LRRTM4: variants seen among roughly 807,000 people sequenced by gnomAD.
LRRTM4 encodes leucine rich repeat transmembrane neuronal 4, also known as leucine-rich repeat transmembrane neuronal protein 4.
In LRRTM4, 25 loss-of-function variants were observed where a neutral mutation model predicts 47.6. The ratio of observed to expected loss-of-function variants is 0.53; its 90% CI spans 0.38 to 0.73. LRRTM4 has a LOEUF of 0.73. Among genes scored for constraint, LRRTM4 ranks in the 30% least tolerant of loss-of-function variants. The pLI is 0.00. For synonymous variants in LRRTM4, 311 were observed against 269.5 expected, an observed-to-expected ratio of 1.15 and a Z score of -1.51; for missense variants, 638 against 713.4, an observed-to-expected ratio of 0.89 and a Z score of 1.20.
At chr2:77,430,469 C>A (rs981094218) in intron 3 of LRRTM4, among the ~76,000 whole-genome samples, 3 of 152,002 alleles carry the variant, frequency 2.0e-5, no homozygotes, top group African/African-American at 7.3e-5. Context: ...TGGCTGTAAT[C>A]CTAGCATTTT....
intron 3 of LRRTM4, among the ~76,000 whole-genome samples, chr2:77,326,397 T>A (rs904862600): frequency 6.6e-6 from 1 of 152,100 alleles, no homozygotes; most frequent in Non-Finnish European, 1.5e-5. Context: ...TAATTTTACT[T>A]TTATTTTAGT....
chr2:76,806,687 A>G (rs1443453120), intron 3 of LRRTM4, among the ~76,000 whole-genome samples: 1 of 152,144 alleles, frequency 6.6e-6, no homozygotes, highest in Non-Finnish European at 1.5e-5. Flanking sequence ...CTGAAAAGAG[A>G]AGTTAAAAAT....
At chr2:77,469,263 A>G (rs1043759891) in intron 3 of LRRTM4, among the ~76,000 whole-genome samples, 5 of 152,246 alleles carry the variant, frequency 3.3e-5, no homozygotes, top group Admixed American at 6.5e-5. Flanking sequence ...TGCCTCTGAA[A>G]GCAGGGGCAG....
At chr2:77,404,830 C>T (rs143485304) in intron 3 of LRRTM4, among the ~76,000 whole-genome samples, 3 of 152,066 alleles carry the variant, frequency 2.0e-5, no homozygotes, top group African/African-American at 7.2e-5. Context: ...TTAAAAATGG[C>T]CACAGGGAAC....
At chr2:76,871,065 C>A (rs958170776) in intron 3 of LRRTM4, among the ~76,000 whole-genome samples, 25 of 152,266 alleles carry the variant, frequency 1.6e-4, no homozygotes, top group African/African-American at 5.8e-4. Flanking sequence ...ATTATAAAAT[C>A]TTTGGGAAAA....
intron 3 of LRRTM4, among the ~76,000 whole-genome samples, chr2:76,894,533 G>A (rs747083697): frequency 2.0e-5 from 3 of 152,020 alleles, no homozygotes; most frequent in Non-Finnish European, 4.4e-5. Context: ...CAACAGGTCA[G>A]TTGATTATCC....
chr2:77,447,307 T>C (rs894319279), intron 3 of LRRTM4, among the ~76,000 whole-genome samples: 2 of 152,032 alleles, frequency 1.3e-5, no homozygotes, highest in South Asian at 4.1e-4. Flanking sequence ...TAAGCAAGTA[T>C]ATCTGTAAAG....
At chr2:77,023,327 G>A (rs190365992) in intron 3 of LRRTM4, among the ~76,000 whole-genome samples, 3 of 152,140 alleles carry the variant, frequency 2.0e-5, no homozygotes, top group Non-Finnish European at 4.4e-5. Flanking sequence ...TGCCGCAAAG[G>A]TCTCTTGATA....
chr2:77,519,139 T>G lies in LRRTM4; in HGVS notation c.730A>C (p.Ile244Leu). ...CAAGTCCATGTCAAACCTTGGCTAA[T>G]GGAGCGAATCCTGTTCCATTGTAAG... ...IYLQWNRIRS[I>L]SQGLTWTWSS... Residue 244 changes from isoleucine to leucine, a missense_variant, in exon 3 of 4, where the codon ATT becomes CTT. Ile to Leu is a conservative substitution (Grantham distance 5). Coordinates refer to ENST00000409884, the MANE Select transcript of LRRTM4 (RefSeq NM_001134745.3). This position sits in a 1 kb window ranked among gnomAD's most constrained non-coding sequence, Gnocchi z 4.6. The G allele has an allele frequency of 6.2e-7, 1 of 1,613,186 alleles. No individual in the cohort carries two copies. Among genetic ancestry groups the G allele is most frequent in the Non-Finnish European group, 8.5e-7 (1 of 1,179,532 alleles).
chr2:77,061,219 G>A (rs1679775032), intron 3 of LRRTM4, among the ~76,000 whole-genome samples: 1 of 151,936 alleles, frequency 6.6e-6, no homozygotes, highest in African/African-American at 2.4e-5. Context: ...ATATCCTTTA[G>A]AGTAAATAGT....
At chr2:76,780,362 A>C (rs1241262917) in intron 3 of LRRTM4, among the ~76,000 whole-genome samples, 46 of 152,270 alleles carry the variant, frequency 3.0e-4, no homozygotes, top group African/African-American at 1.0e-3. Context: ...GTGTTTTCCA[A>C]CTTGGTTCCA....
chr2:76,844,233 C>T (rs1382046716), intron 3 of LRRTM4, among the ~76,000 whole-genome samples: 1 of 152,004 alleles, frequency 6.6e-6, no homozygotes, highest in African/African-American at 2.4e-5. Flanking sequence ...CTCTCGGGTT[C>T]AAGCTATTCT....
intron 3 of LRRTM4, among the ~76,000 whole-genome samples, chr2:76,812,584 C>T (rs1670764985): frequency 6.6e-6 from 1 of 152,082 alleles, no homozygotes; most frequent in African/African-American, 2.4e-5. Flanking sequence ...CCAAGAGACA[C>T]TTAATTCAGT....
At chr2:76,981,712 C>A (rs58852194) in intron 3 of LRRTM4, among the ~76,000 whole-genome samples, 13,091 of 151,938 alleles carry the variant, frequency 0.086, 910 homozygotes, top group East Asian at 0.38. Flanking sequence ...GGGCTCTTCT[C>A]AGACTCCTGG....
chr2:77,448,500 G>A (rs1216307679), intron 3 of LRRTM4, among the ~76,000 whole-genome samples: 1 of 152,090 alleles, frequency 6.6e-6, no homozygotes. Context: ...CTCTTTTCAA[G>A]TATCTTCATT....
intron 3 of LRRTM4, among the ~76,000 whole-genome samples, chr2:77,391,449 A>T (rs2103815106): frequency 6.6e-6 from 1 of 152,158 alleles, no homozygotes; most frequent in South Asian, 2.1e-4. Flanking sequence ...CCTGGTTAGA[A>T]GTTAAGGAAT....
At chr2:76,877,715 GAAGTCT>G (rs1229196370) in intron 3 of LRRTM4, among the ~76,000 whole-genome samples, 6 of 152,048 alleles carry the variant, frequency 3.9e-5, no homozygotes, top group African/African-American at 1.4e-4. Flanking sequence ...AATTCAATAT[GAAGTCT>G]AAGTAATAAA....
chr2:77,151,734 T>C (rs1672436012), intron 3 of LRRTM4, among the ~76,000 whole-genome samples: 1 of 152,158 alleles, frequency 6.6e-6, no homozygotes, highest in South Asian at 2.1e-4. Context: ...GAAAAGAAGA[T>C]TGGAATAGAC....
chr2:76,929,011 A>G (rs1674679858), intron 3 of LRRTM4, among the ~76,000 whole-genome samples: 1 of 152,116 alleles, frequency 6.6e-6, no homozygotes, highest in Non-Finnish European at 1.5e-5. Flanking sequence ...TCCTGTTACA[A>G]AGGTGAGCAG....
Sources: allele counts gnomAD v4.1 joint callset (sites outside exome capture counted in the v4.1 genomes callset), GRCh38; gene constraint gnomAD v4.1.1; non-coding constraint Gnocchi (gnomAD v3.1); transcripts MANE v1.5; gene names NCBI Gene and HGNC (gene_info 2026-07-23, HGNC 2026-07-21).